ZNF385D: variants seen among roughly 807,000 people sequenced by gnomAD.
The protein encoded by ZNF385D is zinc finger protein 385D, also known as zinc finger protein 659.
In ZNF385D, 15 loss-of-function variants were observed where a neutral mutation model predicts 35.8. That is an observed-to-expected ratio of 0.42 (90% CI 0.28 to 0.64). The LOEUF (loss-of-function observed/expected upper bound fraction) is 0.64, where lower values mean the gene tolerates loss of function less well. Among genes scored for constraint, ZNF385D ranks in the 30% least tolerant of loss-of-function variants. The pLI is 0.23. For synonymous variants in ZNF385D, 212 were observed against 186.8 expected (o/e 1.13, Z -1.10); for missense variants, 474 against 494.6 (o/e 0.96, Z 0.39).
rs189630502 is a variant in ZNF385D, at chr3:21,565,796, T to C, written c.166-1112A>G. 3.4e-3 allele frequency among the ~76,000 whole-genome samples: 510 copies of C among 151,748 alleles called. 1 individual carries two copies. Among genetic ancestry groups the C allele is most frequent in the Admixed American group, 5.3e-3 (80 of 15,180 alleles). ...TCAAATGATGAGATAAAAGGACTTA[T>C]AAGTAAGTCTTCATAATAGATTGAG... On this transcript the variant is annotated intron_variant, in intron 2 of 7. Transcript: ENST00000281523.
intron 3 of ZNF385D, among the ~76,000 whole-genome samples, chr3:22,046,422 G>A (rs1699009876): frequency 6.6e-6 from 1 of 152,048 alleles, no homozygotes; most frequent in South Asian, 2.1e-4. Context: ...AAAAGACATT[G>A]TAGATTGGCT....
chr3:21,460,685 AATTTTTT>A (rs144521104), intron 4 of ZNF385D, among the ~76,000 whole-genome samples: 3,190 of 152,226 alleles, frequency 0.021, 105 homozygotes, highest in African/African-American at 0.073. Context: ...TATTCACTAC[AATTTTTT>A]TTAAGGAAAG....
intron 1 of ZNF385D, among the ~76,000 whole-genome samples, chr3:21,737,159 T>C (rs1169869644): frequency 3.9e-5 from 6 of 152,106 alleles, no homozygotes; most frequent in Non-Finnish European, 8.8e-5. Flanking sequence ...AGGCTGGTCT[T>C]GAACTCCTGA....
intron 4 of ZNF385D, among the ~76,000 whole-genome samples, chr3:21,478,133 G>A (rs140463036): frequency 6.6e-6 from 1 of 152,204 alleles, no homozygotes; most frequent in African/African-American, 2.4e-5. Flanking sequence ...AAAGAAAAGA[G>A]TATGACTATA....
Position 22,285,787 on chromosome 3 carries a change from G to A in ZNF385D, c.106+86663C>T, listed in dbSNP as rs116628410. Among the ~76,000 whole-genome samples, 641 of 152,108 alleles carry A rather than the reference G, an allele frequency of 4.2e-3. 4 individuals carry two copies. Among genetic ancestry groups the A allele is most frequent in the African/African-American group, 0.014 (577 of 41,490 alleles). On this transcript the variant is annotated intron_variant, in intron 2 of 5. Transcript: ENST00000494108. Reference sequence around the variant, plus strand: ...ATTCACTTTGTCTTCACACAAAGACGGCATCACCGTCTATGGGAATTTGTT... The same window carrying A: ...ATTCACTTTGTCTTCACACAAAGACAGCATCACCGTCTATGGGAATTTGTT...
intron 3 of ZNF385D, among the ~76,000 whole-genome samples, chr3:22,139,871 AT>A (rs1396257214): frequency 2.0e-5 from 3 of 152,210 alleles, no homozygotes; most frequent in African/African-American, 7.2e-5. Context: ...GAAAATGTAA[AT>A]AAAAGCGTGA....
intron 1 of ZNF385D, among the ~76,000 whole-genome samples, chr3:21,735,750 C>A (rs1419091074): frequency 6.6e-6 from 1 of 152,198 alleles, no homozygotes; most frequent in Non-Finnish European, 1.5e-5. Flanking sequence ...AAAGAGACAG[C>A]AGGTAATTGG....
At chr3:22,152,886 T>A (rs140184808) in intron 3 of ZNF385D, among the ~76,000 whole-genome samples, 2 of 152,164 alleles carry the variant, frequency 1.3e-5, no homozygotes, top group African/African-American at 4.8e-5. Flanking sequence ...TCTAAACCCA[T>A]TGGCCACACT....
intron 2 of ZNF385D, among the ~76,000 whole-genome samples, chr3:22,277,861 A>G (rs779023604): frequency 5.5e-4 from 84 of 152,200 alleles, no homozygotes; most frequent in Non-Finnish European, 1.1e-3. Flanking sequence ...GCATGTGGGA[A>G]GGCCCTGATA....
chr3:22,257,505 A>G (rs1028412994), intron 2 of ZNF385D, among the ~76,000 whole-genome samples: 3 of 151,650 alleles, frequency 2.0e-5, no homozygotes, highest in African/African-American at 7.3e-5. Flanking sequence ...GCATTATTCT[A>G]TTATACTCTC....
At chr3:22,110,148 G>C (rs1157464736) in intron 3 of ZNF385D, among the ~76,000 whole-genome samples, 2 of 152,228 alleles carry the variant, frequency 1.3e-5, no homozygotes, top group East Asian at 3.9e-4. Context: ...ACAGGTGCTG[G>C]AGAGGATGTG....
intron 3 of ZNF385D, among the ~76,000 whole-genome samples, chr3:21,548,927 A>G (rs554062500): frequency 5.9e-5 from 9 of 152,336 alleles, no homozygotes; most frequent in South Asian, 4.1e-4. Context: ...AACCTATACA[A>G]TGTACAAATA....
chr3:21,569,098 T>G (rs2063242714), intron 2 of ZNF385D, among the ~76,000 whole-genome samples: 1 of 152,154 alleles, frequency 6.6e-6, no homozygotes, highest in South Asian at 2.1e-4. Flanking sequence ...CAGAGCTGAG[T>G]TCAATTCCTG....
chr3:22,076,156 C>T (rs374012380), intron 3 of ZNF385D, among the ~76,000 whole-genome samples: 1 of 151,866 alleles, frequency 6.6e-6, no homozygotes, highest in Non-Finnish European at 1.5e-5. Context: ...ACTGAACTTC[C>T]AGAAGAATCA....
chr3:21,789,955 C>T (rs544457822), intron 3 of ZNF385D, among the ~76,000 whole-genome samples: 5 of 152,176 alleles, frequency 3.3e-5, no homozygotes, highest in African/African-American at 1.2e-4. Flanking sequence ...TTGGCTAACA[C>T]AGTCAGACTT....
rs1392073226 is a variant in ZNF385D at position 21,435,343 on chromosome 3, A to G, written c.673+1627T>C. Among the ~76,000 whole-genome samples the G allele has an allele frequency of 2.1e-5, 3 of 143,534 alleles. No individual in the cohort carries two copies. In the Admixed American group the frequency reaches 2.2e-4, roughly 11 times the overall value. The allele number at this position is 143,534 out of a possible 152,430, so 94.2% of individuals were successfully genotyped here. A position where few individuals can be genotyped will look rare whatever the true frequency, so the allele number is the denominator to read the frequency against. On this transcript the variant is annotated intron_variant, in intron 5 of 7. Coordinates refer to ENST00000281523, the MANE Select transcript of ZNF385D (RefSeq NM_024697.3). ...CGCGATCATGGCTCATTGTAGCCTC[A>G]ACCTCCTAGGTTCAAGAGATCCTCT...
chr3:22,096,274 T>C (rs1701617580), intron 3 of ZNF385D, among the ~76,000 whole-genome samples: 1 of 151,938 alleles, frequency 6.6e-6, no homozygotes, highest in Non-Finnish European at 1.5e-5. Context: ...CATTGCACAA[T>C]ATACCCAGGT....
At chr3:22,034,852 G>A (rs997279672) in intron 3 of ZNF385D, among the ~76,000 whole-genome samples, 2 of 152,094 alleles carry the variant, frequency 1.3e-5, no homozygotes, top group Non-Finnish European at 2.9e-5. Flanking sequence ...TGAAAGAAAT[G>A]TATATGATAA....
intron 2 of ZNF385D, among the ~76,000 whole-genome samples, chr3:22,358,603 G>A (rs1010798507): frequency 6.6e-6 from 1 of 151,798 alleles, no homozygotes; most frequent in Admixed American, 6.6e-5. Context: ...TAATCCTTTT[G>A]AGATGAGGAG....
Sources: allele counts gnomAD v4.1 joint callset (sites outside exome capture counted in the v4.1 genomes callset), GRCh38; gene constraint gnomAD v4.1.1; transcripts MANE v1.5; gene names NCBI Gene and HGNC (gene_info 2026-07-23, HGNC 2026-07-21).